Variants in MAP4K5 observed in about 807,000 individuals in gnomAD.
MAP4K5 encodes mitogen-activated protein kinase kinase kinase kinase 5.
Under a neutral mutation model 135.6 loss-of-function variants are expected in MAP4K5, and 82 were observed. The observed-to-expected ratio is 0.60, with a 90% confidence interval of 0.51 to 0.73. The LOEUF is 0.73. Among genes scored for constraint, MAP4K5 ranks in the 30% least tolerant of loss-of-function variants. The probability of loss-of-function intolerance (pLI) is 0.00; values close to 1 mark genes in which losing one functional copy is unlikely to be tolerated. For missense variants in MAP4K5, 907 were observed against 1,010.9 expected (o/e 0.90, Z 1.39); for synonymous variants, 347 against 335.0 (o/e 1.04, Z -0.39).
chr14:50,545,448 C>T (rs981215948), intron 1 of MAP4K5, among the ~76,000 whole-genome samples: 2 of 152,048 alleles, frequency 1.3e-5, no homozygotes, highest in East Asian at 1.9e-4. Context: ...CCAGGGTGGT[C>T]GACGGCATCC....
In MAP4K5 at chr14:50,464,684, G is replaced by A. The variant is rs369792429; in HGVS notation, c.738-551C>T. Among the ~76,000 whole-genome samples, 11 of 152,282 alleles carry A rather than the reference G, an allele frequency of 7.2e-5. No homozygotes were observed. In the East Asian group the frequency reaches 7.7e-4, roughly 11 times the overall value. On this transcript the variant is annotated intron_variant, in intron 11 of 32. Coordinates refer to ENST00000682126, the MANE Select transcript of MAP4K5 (RefSeq NM_006575.6). ...AAAGGTATCACATTTTGATTATTAA[G>A]AAATGACACAAAAAGGTATTTCTAC...
intron 3 of MAP4K5, among the ~76,000 whole-genome samples, chr14:50,486,853 C>T (rs2037373370): frequency 6.6e-6 from 1 of 151,886 alleles, no homozygotes; most frequent in Non-Finnish European, 1.5e-5. Context: ...AATCAGTGGG[C>T]AACATAGTGA....
chr14:50,494,294 G>C (rs143862404), intron 3 of MAP4K5, among the ~76,000 whole-genome samples: 1 of 151,590 alleles, frequency 6.6e-6, no homozygotes, highest in African/African-American at 2.4e-5. Context: ...TCAGCCTCCC[G>C]AGTAGCTGGG....
At chr14:50,470,653 TACACACAC>T (rs59377868) in intron 9 of MAP4K5, among the ~76,000 whole-genome samples, 106,218 of 149,084 alleles carry the variant, frequency 0.71, 38,231 homozygotes, top group Admixed American at 0.76. Context: ...CATCCATTTT[TACACACAC>T]ACACACACAC....
intron 2 of MAP4K5, among the ~76,000 whole-genome samples, chr14:50,506,973 A>G (rs2037823857): frequency 6.6e-6 from 1 of 152,176 alleles, no homozygotes; most frequent in African/African-American, 2.4e-5. Flanking sequence ...ATGTGCACGT[A>G]GATTTAGCCT....
At chr14:50,479,971 C>T (rs760453002) in intron 6 of MAP4K5, among the ~76,000 whole-genome samples, 1 of 152,068 alleles carries the variant, frequency 6.6e-6, no homozygotes, top group South Asian at 2.1e-4. Flanking sequence ...TCCTTCATTA[C>T]CTGATGTTCA....
chr14:50,531,895 C>T, intron 2 of MAP4K5, 47 bp downstream of exon 2: 1 of 1,335,096 alleles, frequency 7.5e-7, no homozygotes, highest in Non-Finnish European at 1.1e-6. Flanking sequence ...GCCCCATTCC[C>T]GGGACCCAGT....
intron 14 of MAP4K5, among the ~76,000 whole-genome samples, chr14:50,451,806 G>A (rs752168343): frequency 3.9e-5 from 6 of 152,014 alleles, no homozygotes; most frequent in Non-Finnish European, 5.9e-5. Flanking sequence ...TTGAGTTTGC[G>A]CTTCCTACTT....
chr14:50,472,782 A>C (rs1436321453), intron 9 of MAP4K5, among the ~76,000 whole-genome samples: 4 of 152,210 alleles, frequency 2.6e-5, no homozygotes, highest in African/African-American at 9.6e-5. Flanking sequence ...GTACTTGGCA[A>C]AACAGGTAAG....
At chr14:50,474,625 G>T (rs1484299684) in intron 9 of MAP4K5, among the ~76,000 whole-genome samples, 4 of 152,068 alleles carry the variant, frequency 2.6e-5, no homozygotes, top group Admixed American at 2.6e-4. Flanking sequence ...CAACCAGGAA[G>T]AAGAATCCTA....
chr14:50,434,350 A>G (rs1267203254), intron 28 of MAP4K5, 44 bp downstream of exon 28: 2 of 1,492,072 alleles, frequency 1.3e-6, no homozygotes, highest in Non-Finnish European at 1.8e-6. Flanking sequence ...CTTCTTTTAT[A>G]GGCAAAAATA....
chr14:50,462,366 C>A (rs2036730110), intron 13 of MAP4K5, among the ~76,000 whole-genome samples: 1 of 152,156 alleles, frequency 6.6e-6, no homozygotes, highest in Non-Finnish European at 1.5e-5. Flanking sequence ...TGATTTCAAT[C>A]TCAGCTACCA....
Position 50,440,455 on chromosome 14 carries a change from G to A in MAP4K5, c.1565-14C>T. On this transcript the variant is annotated splice_polypyrimidine_tract_variant and intron_variant, in intron 21 of 32. Transcript: ENST00000682126. ...TAATGTACTGATCTAAAATAGTTGAGATAAATCACCAGAATTTACCATCAT... is the reference window on the plus strand; with the variant it reads ...TAATGTACTGATCTAAAATAGTTGAAATAAATCACCAGAATTTACCATCAT... 7.4e-7 allele frequency: 1 copy of A among 1,345,286 alleles called. No individual in the cohort carries two copies. The highest frequency in any genetic ancestry group is 2.4e-5 in the East Asian group (1 of 41,216). 83.3% of individuals were successfully genotyped at this position (1,345,286 alleles called of 1,614,324 possible).
intron 1 of MAP4K5, among the ~76,000 whole-genome samples, chr14:50,547,076 A>G (rs576566121): frequency 2.0e-5 from 3 of 152,238 alleles, no homozygotes; most frequent in South Asian, 2.1e-4. Flanking sequence ...GGAGGGGGGA[A>G]CTTTAAGGTT....
intron 26 of MAP4K5, among the ~76,000 whole-genome samples, chr14:50,435,728 G>A: frequency 6.6e-6 from 1 of 151,982 alleles, no homozygotes; most frequent in Admixed American, 6.6e-5. Context: ...GTGTACAGAT[G>A]TCTACTTAAG....
chr14:50,445,983 A>G, intron 17 of MAP4K5, 96 bp downstream of exon 17: 1 of 728,496 alleles, frequency 1.4e-6, no homozygotes, highest in Non-Finnish European at 2.1e-6. Flanking sequence ...TCTAAAATAC[A>G]TTTAAGAAAA....
intron 6 of MAP4K5, among the ~76,000 whole-genome samples, chr14:50,477,574 C>T (rs990721529): frequency 1.3e-5 from 2 of 152,118 alleles, no homozygotes; most frequent in Non-Finnish European, 1.5e-5. Context: ...AAAAACATCC[C>T]GTCTTTTACC....
At chr14:50,478,158 T>C (rs538537450) in intron 6 of MAP4K5, among the ~76,000 whole-genome samples, 1 of 152,168 alleles carries the variant, frequency 6.6e-6, no homozygotes, top group Non-Finnish European at 1.5e-5. Flanking sequence ...GTAGTTTGTA[T>C]CTCTTGTTGA....
chr14:50,538,429 T>G (rs1298861453), intron 2 of MAP4K5, among the ~76,000 whole-genome samples: 1 of 152,252 alleles, frequency 6.6e-6, no homozygotes, highest in African/African-American at 2.4e-5. Flanking sequence ...AGAGTGGTTT[T>G]AAGGTTTATG....
Sources: allele counts gnomAD v4.1 joint callset (sites outside exome capture counted in the v4.1 genomes callset), GRCh38; gene constraint gnomAD v4.1.1; transcripts MANE v1.5; gene names NCBI Gene and HGNC (gene_info 2026-07-23, HGNC 2026-07-21).